The following FAAH2 variants were observed in gnomAD, a reference collection of about 807,000 sequenced individuals.
FAAH2 encodes fatty acid amide hydrolase 2.
Under a neutral mutation model 36.9 loss-of-function variants are expected in FAAH2, and 60 were observed. The observed-to-expected ratio is 1.63, with a 90% confidence interval of 1.32 to 2.02. The LOEUF (loss-of-function observed/expected upper bound fraction) is 2.02, where lower values mean the gene tolerates loss of function less well. FAAH2 is among the 30% of genes most tolerant of loss of function. The pLI is 0.00. For synonymous variants in FAAH2, 214 were observed against 143.8 expected, an observed-to-expected ratio of 1.49 and a Z score of -3.49; for missense variants, 689 against 397.5, an observed-to-expected ratio of 1.73 and a Z score of -6.23.
At chrX:57,425,642 A>C (rs2056143327) in intron 7 of FAAH2, among the ~76,000 whole-genome samples, 1 of 111,669 alleles carries the variant, frequency 9.0e-6, no homozygotes, top group Non-Finnish European at 1.9e-5. Flanking sequence ...GAAATGAAGT[A>C]TTTTCTAGAT....
chrX:57,358,946 T>G (rs1439647817), intron 5 of FAAH2, among the ~76,000 whole-genome samples: 2 of 111,343 alleles, frequency 1.8e-5, no homozygotes, highest in Admixed American at 9.6e-5. Context: ...ACATGAGATA[T>G]TTTGATACAG....
At chrX:57,229,686 C>T in the FAAH2 span, among the ~76,000 whole-genome samples, 1 of 111,078 alleles carries the variant, frequency 9.0e-6, no homozygotes, top group African/African-American at 3.3e-5. Flanking sequence ...TCTGGAATAA[C>T]TTCTCCTATA....
chrX:57,274,037 G>T, the FAAH2 span, among the ~76,000 whole-genome samples: 54 of 111,213 alleles, frequency 4.9e-4, no homozygotes, highest in African/African-American at 1.5e-3. Context: ...GAAGAAAAGA[G>T]AGAAGAATCA....
the FAAH2 span, among the ~76,000 whole-genome samples, chrX:57,215,586 C>G: frequency 5.0e-4 from 56 of 111,215 alleles, no homozygotes; most frequent in Non-Finnish European, 9.8e-4. Flanking sequence ...CAATGGTAGA[C>G]TGCTTAAAGA....
chrX:57,297,473 C>T (rs2052200458), intron 2 of FAAH2, among the ~76,000 whole-genome samples: 1 of 105,705 alleles, frequency 9.5e-6, no homozygotes, highest in South Asian at 4.4e-4. Context: ...TGGAAAGGAA[C>T]AACCGATACC....
the FAAH2 span, among the ~76,000 whole-genome samples, chrX:57,206,213 A>G: frequency 1.8e-5 from 2 of 112,158 alleles, no homozygotes; most frequent in Non-Finnish European, 3.8e-5. Context: ...AAAATAGATT[A>G]CTCACAGCAT....
chrX:57,280,663 A>C, the FAAH2 span, among the ~76,000 whole-genome samples: 2 of 110,791 alleles, frequency 1.8e-5, no homozygotes, highest in Non-Finnish European at 3.8e-5. Context: ...AAAAAAAAAA[A>C]CACTAAAAAT....
chrX:57,438,330 T>G (rs867514087), intron 8 of FAAH2, among the ~76,000 whole-genome samples: 4 of 106,539 alleles, frequency 3.8e-5, no homozygotes, highest in South Asian at 4.0e-4. Context: ...ATGACACAAA[T>G]AAATGGAGAA....
the FAAH2 span, among the ~76,000 whole-genome samples, chrX:57,261,957 C>G: frequency 4.6e-5 from 5 of 109,369 alleles, no homozygotes; most frequent in African/African-American, 1.7e-4. Flanking sequence ...TATGTGGATG[C>G]TGAAAGAGAA....
chrX:57,276,539 C>A, the FAAH2 span, among the ~76,000 whole-genome samples: 1 of 111,097 alleles, frequency 9.0e-6, no homozygotes. Context: ...CAAACAAATT[C>A]AAAAGCTACC....
At chrX:57,245,753 A>G in the FAAH2 span, among the ~76,000 whole-genome samples, 5 of 112,642 alleles carry the variant, frequency 4.4e-5, no homozygotes, top group Admixed American at 2.8e-4. Flanking sequence ...TTATAGCACT[A>G]AATGCCCACA....
chrX:57,286,803 G>A lies in FAAH2; in HGVS notation c.-23G>A. 8.6e-7 allele frequency: 1 copy of A among 1,161,337 alleles called. No individual in the cohort carries two copies. The highest frequency in any genetic ancestry group is 3.1e-5 in the East Asian group (1 of 32,547). ...GGTGCACGTAACCCTCAAGCACTAG[G>A]ACCGTGCGGAATCCAGGCTGCGATG... On this transcript the variant is annotated 5_prime_UTR_variant, in exon 1 of 11. Coordinates refer to ENST00000374900, the MANE Select transcript of FAAH2 (RefSeq NM_174912.4).
the FAAH2 span, among the ~76,000 whole-genome samples, chrX:57,269,813 A>G: frequency 8.9e-6 from 1 of 111,769 alleles, no homozygotes; most frequent in Non-Finnish European, 1.9e-5. Flanking sequence ...CACAATTAAA[A>G]GAATCAGAGA....
the FAAH2 span, among the ~76,000 whole-genome samples, chrX:57,144,923 T>TACAC: frequency 0.27 from 28,524 of 105,255 alleles, 3,148 homozygotes; most frequent in Middle Eastern, 0.53. Context: ...TGTGTGTGCA[T>TACAC]ACACACACAC....
chrX:57,466,875 G>T (rs1470125889), intron 10 of FAAH2, among the ~76,000 whole-genome samples: 1 of 111,093 alleles, frequency 9.0e-6, no homozygotes, highest in Non-Finnish European at 1.9e-5. Context: ...ATGTAGGATT[G>T]ATTTCATAAT....
chrX:57,368,527 G>T (rs888729912), intron 5 of FAAH2, among the ~76,000 whole-genome samples: 1 of 111,577 alleles, frequency 9.0e-6, no homozygotes, highest in Admixed American at 9.5e-5. Context: ...CATAAATCGT[G>T]AACTCCCTCT....
At chrX:57,284,718 C>A (rs1170339181), upstream of FAAH2, among the ~76,000 whole-genome samples, 1 of 111,038 alleles carries the variant, frequency 9.0e-6, no homozygotes, top group Non-Finnish European at 1.9e-5. Context: ...TTAACATGGT[C>A]TAACTATTAA....
At chrX:57,250,084 G>A in the FAAH2 span, among the ~76,000 whole-genome samples, 2 of 112,004 alleles carry the variant, frequency 1.8e-5, no homozygotes, top group South Asian at 3.7e-4. Flanking sequence ...TATTTAGATG[G>A]CATTTAAAAA....
chrX:57,166,720 G>T, the FAAH2 span, among the ~76,000 whole-genome samples: 1 of 112,012 alleles, frequency 8.9e-6, no homozygotes. Context: ...GAAGAAAGGG[G>T]AGAGGTCGCC....
Sources: gnomAD v4.1 joint callset for allele counts (sites outside exome capture counted in the v4.1 genomes callset) on GRCh38, gnomAD v4.1.1 for gene constraint, MANE v1.5 for transcripts, NCBI Gene and HGNC (gene_info 2026-07-23, HGNC 2026-07-21) for gene names.